Variants in POMZP3 observed in about 807,000 individuals in gnomAD.
POMZP3 encodes POM121 and ZP3 fusion.
POMZP3 carries 10 observed loss-of-function variants against 19.8 expected under a neutral mutation model. That is an observed-to-expected ratio of 0.51 (90% CI 0.31 to 0.86). POMZP3 has a LOEUF of 0.86. Among genes scored for constraint, POMZP3 ranks in the 40% least tolerant of loss-of-function variants. The pLI is 0.04. For missense variants in POMZP3, 152 were observed against 228.1 expected, an observed-to-expected ratio of 0.67 and a Z score of 2.15; for synonymous variants, 57 against 85.8, an observed-to-expected ratio of 0.66 and a Z score of 1.85.
At position 76,625,401 on chromosome 7, in the gene POMZP3, A is replaced by G. The variant is rs58855246; in HGVS notation, c.227+121T>C. The G allele has an allele frequency of 5.4e-3, 8,160 of 1,508,102 alleles. 200 individuals are homozygous for G. In the African/African-American group the frequency reaches 0.064, roughly 12 times the overall value. The allele number at this position is 1,508,102 out of a possible 1,614,324, so 93.4% of individuals were successfully genotyped here. ...TTAGGTTCTTTCATGAAAGCCAAAG[A>G]AGGAGGCCTATGAAGGCTCACAAAC... On this transcript the variant is annotated intron_variant, in intron 3 of 6. Coordinates refer to ENST00000310842, the MANE Select transcript of POMZP3 (RefSeq NM_012230.5).
At chr7:76,619,066 G>C (rs185202447) in intron 3 of POMZP3, among the ~76,000 whole-genome samples, 6 of 152,212 alleles carry the variant, frequency 3.9e-5, no homozygotes, top group East Asian at 1.9e-4. Context: ...GAGATTACAG[G>C]CATGAGCCAC....
At position 76,611,549 on chromosome 7, in the gene POMZP3, A is replaced by C. The variant is rs765619146; in HGVS notation, c.480T>G (p.Cys160Trp). 1 of 1,603,950 alleles carries C rather than the reference A, an allele frequency of 6.2e-7. No individual in the cohort carries two copies. Among genetic ancestry groups the C allele is most frequent in the African/African-American group, 1.3e-5 (1 of 74,262 alleles). The change falls in exon 6 of 7, where the codon TGT (cysteine) becomes TGG (tryptophan). Residue 160 changes from cysteine (C) to tryptophan (W), a missense_variant. Transcript: ENST00000310842. ...TTGGAGTGCCACAGTCACCTTTGTTACAGCATTGACAGATGTCAGCCAGGC... is the reference window on the plus strand; with the variant it reads ...TTGGAGTGCCACAGTCACCTTTGTTCCAGCATTGACAGATGTCAGCCAGGC... ...VEGLADICQC[C>W]NKGDCGTPSH...
In POMZP3 at chr7:76,610,232, C is replaced by G. The variant is rs748164541; in HGVS notation, c.*12-17G>C. ...CTTCTGTCACTGTGAAAGGAGAACA[C>G]ACAACCAAGGGTCATCTTAGTCCCT... is the stretch of plus-strand genomic sequence containing the variant. On this transcript the variant is annotated splice_polypyrimidine_tract_variant and intron_variant, in intron 6 of 6. Transcript: ENST00000310842. 6.2e-7 allele frequency: 1 copy of G among 1,613,840 alleles called. No individual in the cohort carries two copies. The highest frequency in any genetic ancestry group is 8.5e-7 in the Non-Finnish European group (1 of 1,179,828).
At chr7:76,624,592 C>T (rs1584355654) in intron 3 of POMZP3, among the ~76,000 whole-genome samples, 1 of 151,118 alleles carries the variant, frequency 6.6e-6, no homozygotes, top group African/African-American at 2.4e-5. Flanking sequence ...ACTACAGGCA[C>T]CTACCACCAC....
rs1189375986 is a variant in POMZP3, at chr7:76,626,728, G to A, written c.-172C>T. The stretch of plus-strand genomic sequence containing the variant: ...CTCACCGTGGGGAAGGCCTCCCGGA[G>A]GGTCGGAGAAGAGGAGTGGGGAGAG... On this transcript the variant is annotated 5_prime_UTR_variant, in exon 1 of 7. Coordinates refer to ENST00000310842, the MANE Select transcript of POMZP3 (RefSeq NM_012230.5). 49 of 1,387,688 alleles carry A rather than the reference G, an allele frequency of 3.5e-5. No homozygotes were observed. Among genetic ancestry groups the A allele is most frequent in the Non-Finnish European group, 4.4e-5 (48 of 1,080,100 alleles). The allele number at this position is 1,387,688 out of a possible 1,614,324, so 86.0% of individuals were successfully genotyped here.
chr7:76,626,644 T>A lies in POMZP3; in HGVS notation c.-152+64A>T, dbSNP rs1815916313. On this transcript the variant is annotated intron_variant, in intron 1 of 6. Coordinates refer to ENST00000310842, the MANE Select transcript of POMZP3 (RefSeq NM_012230.5). ...ATTTGATGAAAAAGCAAATCGGATT[T>A]AAAAGTCCTCGATTTCAAGCCAGCC... is the stretch of plus-strand genomic sequence containing the variant. 3 of 1,345,494 alleles carry A rather than the reference T, an allele frequency of 2.2e-6. No individual in the cohort carries two copies. The South Asian group carries it at 5.1e-5, about 23-fold the overall frequency. 83.3% of individuals were successfully genotyped at this position (1,345,494 alleles called of 1,614,324 possible). A position where few individuals can be genotyped will look rare whatever the true frequency, so the allele number is the denominator to read the frequency against.
At position 76,625,607 on chromosome 7, in the gene POMZP3, G is replaced by T. The variant is rs756130143; in HGVS notation, c.142C>A (p.Leu48Met). 1.9e-6 allele frequency: 3 copies of T among 1,613,686 alleles called. No homozygotes were observed. The highest frequency in any genetic ancestry group is 2.5e-6 in the Non-Finnish European group (3 of 1,179,752). ...APDPCAKETV[L>M]SALKEKKKKR... ...TTCTTCTTCTCTTTGAGGGCACTCA[G>T]TACAGTCTCCTTTGCACATGGGTCT... Residue 48 changes from leucine (L) to methionine (M), a missense_variant, in exon 3 of 7, where the codon CTG becomes ATG. This residue lies in a region of POMZP3 where 70 missense variants were observed against 64.1 expected (regional missense o/e 1.09). Coordinates refer to ENST00000310842, the MANE Select transcript of POMZP3 (RefSeq NM_012230.5).
chr7:76,613,506 C>CTT (rs1419122666), intron 4 of POMZP3, among the ~76,000 whole-genome samples: 1 of 77,690 alleles, frequency 1.3e-5, no homozygotes, highest in Non-Finnish European at 2.6e-5. Context: ...GCCCCCCTAC[C>CTT]CTTTTTTTTT....
At chr7:76,620,008 T>G (rs188180868) in intron 3 of POMZP3, among the ~76,000 whole-genome samples, 1 of 81,922 alleles carries the variant, frequency 1.2e-5, no homozygotes, top group Non-Finnish European at 2.4e-5. Context: ...GACAGGGTGA[T>G]ATCTTGTCTC....
chr7:76,617,386 T>C (rs200666674), intron 4 of POMZP3, among the ~76,000 whole-genome samples: 10,870 of 81,854 alleles, frequency 0.13, 1,137 homozygotes, highest in African/African-American at 0.15. Flanking sequence ...CCCATCTTCA[T>C]TCCTTCCTTC....
chr7:76,625,306 C>G (rs1815815238), intron 3 of POMZP3, among the ~76,000 whole-genome samples: 1 of 151,052 alleles, frequency 6.6e-6, no homozygotes. Flanking sequence ...CTCTGCTACT[C>G]ACAGAAAAGG....
rs749162077 is a variant in POMZP3, at chr7:76,614,564, CAAAA to C, written c.346-2755_346-2752del. On this transcript the variant is annotated intron_variant, in intron 4 of 6. Transcript: ENST00000310842. Reference sequence around the variant, plus strand: ...AACAAGAGTGACACTCCATTTCCCCCAAAAAAAAAAAAAAAAAAGAGGGGAGTGT... The same window carrying C: ...AACAAGAGTGACACTCCATTTCCCCCAAAAAAAAAAAAAAGAGGGGAGTGT... Among the ~76,000 whole-genome samples, 5 of 47,848 alleles carry C rather than the reference CAAAA, an allele frequency of 1.0e-4. 1 individual carries two copies. Among genetic ancestry groups the C allele is most frequent in the Admixed American group, 4.5e-4 (2 of 4,414 alleles). The allele number at this position is 47,848 out of a possible 152,430, so 31.4% of individuals were successfully genotyped here.
At chr7:76,624,663 C>G (rs188774633) in intron 3 of POMZP3, among the ~76,000 whole-genome samples, 4,415 of 147,214 alleles carry the variant, frequency 0.03, 193 homozygotes, top group African/African-American at 0.1. Context: ...CCAGGCTGGT[C>G]TCGAACTCCT....
At position 76,621,972 on chromosome 7, in the gene POMZP3, T is replaced by A. The variant is rs1320105967; in HGVS notation, c.227+3550A>T. On this transcript the variant is annotated intron_variant, in intron 3 of 6. Transcript: ENST00000310842. ...ATAAATAAATAAATAAATAAATAAA[T>A]AAAACAGGTTGCAGTGAAGAAGCCG... 2.5e-4 allele frequency among the ~76,000 whole-genome samples: 30 copies of A among 118,494 alleles called. 1 individual carries two copies. Among genetic ancestry groups the A allele is most frequent in the Middle Eastern group, 4.1e-3 (1 of 242 alleles). The allele number at this position is 118,494 out of a possible 152,430, so 77.7% of individuals were successfully genotyped here.
chr7:76,610,612 A>G (rs1295547757), intron 6 of POMZP3, among the ~76,000 whole-genome samples: 1 of 151,892 alleles, frequency 6.6e-6, no homozygotes, highest in Non-Finnish European at 1.5e-5. Context: ...AGATCGTGCC[A>G]TTGCTCTCCA....
Position 76,626,844 on chromosome 7 carries a change from CAGGT to C in POMZP3, c.-292_-289del, listed in dbSNP as rs1815933759. On this transcript the variant is annotated 5_prime_UTR_variant, in exon 1 of 7. The change abolishes the stop of an existing upstream ORF in the 5' untranslated region. Coordinates refer to ENST00000310842, the MANE Select transcript of POMZP3 (RefSeq NM_012230.5). ...GCGGGCGGCGGCCAGGCCTATTCCG[CAGGT>C]CCTGGCCCTCCGGAGCGGGGGCGGG... 2.1e-6 allele frequency: 3 copies of C among 1,396,632 alleles called. No homozygotes were observed. The highest frequency in any genetic ancestry group is 2.8e-6 in the Non-Finnish European group (3 of 1,084,894). 86.5% of individuals were successfully genotyped at this position (1,396,632 alleles called of 1,614,324 possible).
rs528603425 is a variant in POMZP3, at chr7:76,626,057, C to T, written c.8G>A (p.Cys3Tyr). Residue 3 changes from cysteine (C) to tyrosine (Y), a missense_variant, in exon 2 of 7, where the codon TGT becomes TAT. By Grantham distance (194) the Cys-to-Tyr change is radical (BLOSUM62 -2). Transcript: ENST00000310842. ...GGCGATCCTCAGAGTCACTGGGCTA[C>T]ACACCATCCTGGAGTTGCGAGGGGA... MV[C>Y]SPVTLRIAPP... 3.2e-5 allele frequency: 52 copies of T among 1,613,774 alleles called. No individual in the cohort carries two copies. The South Asian group carries it at 4.9e-4, about 15-fold the overall frequency.
At chr7:76,623,749 C>T (rs1799233) in intron 3 of POMZP3, among the ~76,000 whole-genome samples, 84,668 of 150,564 alleles carry the variant, frequency 0.56, 23,989 homozygotes, top group Middle Eastern at 0.71. Context: ...TGCAGTGAGC[C>T]AAGATCGTGC....
Position 76,615,333 on chromosome 7 carries a change from A to G in POMZP3, c.345+2850T>C, listed in dbSNP as rs868360883. Among the ~76,000 whole-genome samples the G allele has an allele frequency of 1.0e-3, 95 of 93,896 alleles. 5 individuals carry two copies. The highest frequency in any genetic ancestry group is 4.4e-3 in the African/African-American group (90 of 20,566). 61.6% of individuals were successfully genotyped at this position (93,896 alleles called of 152,430 possible). A position where few individuals can be genotyped will look rare whatever the true frequency, so the allele number is the denominator to read the frequency against. ...TAAGGAGCTATCGGTCACTGATCCG[A>G]GGGCCAGGACTCTTTTCCCAAATCT... On this transcript the variant is annotated intron_variant, in intron 4 of 6. Coordinates refer to ENST00000310842, the MANE Select transcript of POMZP3 (RefSeq NM_012230.5).
Sources: gnomAD v4.1 joint callset for allele counts (sites outside exome capture counted in the v4.1 genomes callset) on GRCh38, gnomAD v4.1.1 for gene constraint, gnomAD v4.1.1 regional missense constraint, MANE v1.5 for transcripts, NCBI Gene and HGNC (gene_info 2026-07-23, HGNC 2026-07-21) for gene names.